RMP64: variants seen among roughly 807,000 people sequenced by gnomAD.
RMP64 encodes the protein nucleolus and neural progenitor protein.
the RMP64 span, chr3:113,003,692 A>G: frequency 1.3e-5 from 2 of 151,942 alleles, no homozygotes; most frequent in Non-Finnish European, 2.9e-5. Flanking sequence ...AACTCACTGA[A>G]CCACCCTGGT....
At chr3:113,016,192 G>A in the RMP64 span, among the ~76,000 whole-genome samples, 3 of 152,066 alleles carry the variant, frequency 2.0e-5, no homozygotes, top group African/African-American at 7.2e-5. Flanking sequence ...TAAGAAGTTT[G>A]GTCTTTACTC....
the RMP64 span, among the ~76,000 whole-genome samples, chr3:113,018,188 T>C: frequency 6.6e-6 from 1 of 152,202 alleles, no homozygotes; most frequent in Non-Finnish European, 1.5e-5. Context: ...TCTGAAAATC[T>C]GTAGAAGTCC....
chr3:113,013,339 A>C, the RMP64 span: 7 of 1,613,972 alleles, frequency 4.3e-6, no homozygotes, highest in Non-Finnish European at 5.9e-6. Flanking sequence ...ACCTTCATCA[A>C]CACCAACTCC....
the RMP64 span, chr3:113,017,750 A>G: frequency 1.5e-6 from 1 of 653,858 alleles, no homozygotes; most frequent in Admixed American, 3.2e-5. Flanking sequence ...GAACGTAAGG[A>G]TTCTAAGTAT....
the RMP64 span, chr3:113,019,650 G>GAGGCGGGGGGACTTACGAA: frequency 6.2e-7 from 1 of 1,611,522 alleles, no homozygotes; most frequent in South Asian, 1.1e-5. Context: ...GCCATCATGC[G>GAGGCGGGGGGACTTACGAA]AGGCGGGGGG....
chr3:113,010,662 A>T, the RMP64 span: 1 of 1,613,622 alleles, frequency 6.2e-7, no homozygotes. Flanking sequence ...TTTGTGTTTC[A>T]GCTGGTTGCA....
the RMP64 span, among the ~76,000 whole-genome samples, chr3:113,007,784 T>A: frequency 7.2e-5 from 11 of 152,324 alleles, no homozygotes; most frequent in Admixed American, 6.5e-4. Context: ...CATGCCCTTA[T>A]CCCACTGCAC....
the RMP64 span, chr3:113,003,469 T>C: frequency 6.6e-6 from 1 of 152,118 alleles, no homozygotes; most frequent in African/African-American, 2.4e-5. Flanking sequence ...TTTGGATTTA[T>C]TTGGAAAAAG....
chr3:113,011,346 C>T, the RMP64 span: 1 of 1,609,758 alleles, frequency 6.2e-7, no homozygotes. Context: ...CCTCTTGAAG[C>T]AATCCAAACA....
the RMP64 span, chr3:113,011,502 A>G: frequency 1.4e-5 from 16 of 1,123,140 alleles, no homozygotes; most frequent in South Asian, 2.6e-4. Context: ...ATAAATGGCT[A>G]TCAAGGTCCT....
chr3:113,011,533 T>C, the RMP64 span: 3 of 755,704 alleles, frequency 4.0e-6, no homozygotes, highest in East Asian at 7.6e-5. Context: ...TAAAAAACAC[T>C]ATAGTGCACA....
chr3:113,012,098 A>G, the RMP64 span, among the ~76,000 whole-genome samples: 1 of 152,212 alleles, frequency 6.6e-6, no homozygotes, highest in African/African-American at 2.4e-5. Flanking sequence ...CTAATTATCC[A>G]TCAGATCAGT....
chr3:113,008,548 AT>A, the RMP64 span: 1 of 833,406 alleles, frequency 1.2e-6, no homozygotes, highest in Non-Finnish European at 1.9e-6. Context: ...CAGTCCCTAA[AT>A]GCTTGAAGTG....
chr3:113,015,212 G>C, the RMP64 span, among the ~76,000 whole-genome samples: 1 of 152,074 alleles, frequency 6.6e-6, no homozygotes, highest in African/African-American at 2.4e-5. Context: ...ACCATGCATG[G>C]CTCTTACTTT....
At chr3:113,004,386 T>TGAGA in the RMP64 span, 1 of 152,040 alleles carries the variant, frequency 6.6e-6, no homozygotes, top group African/African-American at 2.4e-5. Flanking sequence ...GTCTAAAGTT[T>TGAGA]GAGAACCACT....
the RMP64 span, among the ~76,000 whole-genome samples, chr3:113,010,201 G>A: frequency 0.015 from 2,302 of 152,080 alleles, 55 homozygotes; most frequent in African/African-American, 0.053. Flanking sequence ...CCAGACTACC[G>A]AACGCTTTAC....
the RMP64 span, chr3:113,008,365 T>C: frequency 5.6e-6 from 9 of 1,613,492 alleles, no homozygotes; most frequent in Admixed American, 6.7e-5. Flanking sequence ...TTCCTATCAC[T>C]TTCTGAGAAG....
chr3:113,005,286 A>G, the RMP64 span: 111 of 486,288 alleles, frequency 2.3e-4, no homozygotes, highest in Non-Finnish European at 3.5e-4. Flanking sequence ...TCTGCTTCTC[A>G]AGGGTAGGCT....
the RMP64 span, chr3:113,005,562 C>T: frequency 4.3e-6 from 7 of 1,612,606 alleles, no homozygotes; most frequent in African/African-American, 9.3e-5. Context: ...GCAAAAATAT[C>T]ATCAATGTCA....
Sources: gnomAD v4.1 joint callset for allele counts (sites outside exome capture counted in the v4.1 genomes callset) on GRCh38, gnomAD v4.1.1 for gene constraint, MANE v1.5 for transcripts, NCBI Gene and HGNC (gene_info 2026-07-23, HGNC 2026-07-21) for gene names.